DACH1: variants seen among roughly 807,000 people sequenced by gnomAD.
DACH1 encodes the protein dachshund homolog 1.
In DACH1, 12 loss-of-function variants were observed where a neutral mutation model predicts 54.2. The ratio of observed to expected loss-of-function variants is 0.22; its 90% CI spans 0.14 to 0.36. The LOEUF (loss-of-function observed/expected upper bound fraction) is 0.36, where lower values mean the gene tolerates loss of function less well. Among genes scored for constraint, DACH1 ranks in the 10% least tolerant of loss-of-function variants. DACH1 has a pLI of 1.00. For missense variants in DACH1, 805 were observed against 929.8 expected (o/e 0.87, Z 1.75); for synonymous variants, 386 against 366.2 (o/e 1.05, Z -0.62).
At chr13:71,627,683 C>T (rs1876758877) in intron 3 of DACH1, among the ~76,000 whole-genome samples, 1 of 152,080 alleles carries the variant, frequency 6.6e-6, no homozygotes, top group African/African-American at 2.4e-5. Flanking sequence ...TGCTTACCTA[C>T]CTATCTCATC....
At chr13:71,775,327 T>G (rs1488032259) in intron 1 of DACH1, among the ~76,000 whole-genome samples, 2 of 151,400 alleles carry the variant, frequency 1.3e-5, no homozygotes, top group African/African-American at 4.9e-5. Flanking sequence ...CACCTCAAAT[T>G]GACAAACTGA....
At chr13:71,664,744 A>G (rs547815581) in intron 2 of DACH1, among the ~76,000 whole-genome samples, 3 of 152,136 alleles carry the variant, frequency 2.0e-5, no homozygotes, top group South Asian at 4.1e-4. Flanking sequence ...GCATGGTAGG[A>G]TTATGAGTGA....
intron 6 of DACH1, among the ~76,000 whole-genome samples, chr13:71,548,363 G>A (rs1267661361): frequency 1.3e-5 from 2 of 152,030 alleles, no homozygotes; most frequent in Admixed American, 6.6e-5. Context: ...ATCATACAGA[G>A]TAATCTGATA....
chr13:71,564,481 A>T (rs2138394186), intron 4 of DACH1, among the ~76,000 whole-genome samples: 1 of 152,172 alleles, frequency 6.6e-6, no homozygotes, highest in African/African-American at 2.4e-5. Flanking sequence ...CTGAAAAAAA[A>T]AAAAAAGGTC....
chr13:71,838,913 G>A (rs2097358385), intron 1 of DACH1, among the ~76,000 whole-genome samples: 1 of 152,180 alleles, frequency 6.6e-6, no homozygotes. Context: ...GGTGAATTCT[G>A]TTAACAGAGC....
Position 71,464,830 on chromosome 13 carries a change from A to C in DACH1, c.2083+10311T>G, listed in dbSNP as rs142670723. The stretch of plus-strand genomic sequence containing the variant: ...TAAAGATATTCTCAAGACTATGTTT[A>C]GTATCAAGAGAAATTTCTGACACAA... On this transcript the variant is annotated intron_variant, in intron 10 of 10. Coordinates refer to ENST00000613252, the MANE Select transcript of DACH1 (RefSeq NM_080759.6). 1.7e-3 allele frequency: 651 copies of C among 394,446 alleles called. 13 individuals carry two copies. The East Asian group carries it at 0.035, about 21-fold the overall frequency. 24.4% of individuals were successfully genotyped at this position (394,446 alleles called of 1,614,324 possible).
chr13:71,851,753 A>G (rs1252180025), intron 1 of DACH1, among the ~76,000 whole-genome samples: 4 of 152,170 alleles, frequency 2.6e-5, no homozygotes, highest in African/African-American at 9.7e-5. Flanking sequence ...AACAACTGAC[A>G]TCATAATTTA....
chr13:71,835,755 T>A (rs1888758909), intron 1 of DACH1, among the ~76,000 whole-genome samples: 1 of 152,054 alleles, frequency 6.6e-6, no homozygotes. Flanking sequence ...TATGCCACTC[T>A]GAAGGAATGA....
At chr13:71,840,296 C>T (rs1888966126) in intron 1 of DACH1, among the ~76,000 whole-genome samples, 3 of 152,158 alleles carry the variant, frequency 2.0e-5, no homozygotes, top group African/African-American at 4.8e-5. Context: ...TGGTTTAAAA[C>T]GCCTTCAATT....
At chr13:71,579,932 T>C (rs1424697124) in intron 3 of DACH1, among the ~76,000 whole-genome samples, 1 of 152,148 alleles carries the variant, frequency 6.6e-6, no homozygotes, top group African/African-American at 2.4e-5. Flanking sequence ...GCAGACTGGG[T>C]AAATAGTTAC....
Position 71,451,221 on chromosome 13 carries a change from A to T in DACH1, c.2084-10529T>A, listed in dbSNP as rs187356947. Among the ~76,000 whole-genome samples, 365 of 152,172 alleles carry T rather than the reference A, an allele frequency of 2.4e-3. 2 individuals are homozygous for T. Among genetic ancestry groups the T allele is most frequent in the African/African-American group, 7.5e-3 (313 of 41,526 alleles). On this transcript the variant is annotated intron_variant, in intron 10 of 10. Transcript: ENST00000613252. Reference sequence around the variant, plus strand: ...GGATCCCATATATTGCATTGCTAAAACCTAAATGTTGTTCCTGTCCTATGC... The same window carrying T: ...GGATCCCATATATTGCATTGCTAAATCCTAAATGTTGTTCCTGTCCTATGC...
At chr13:71,643,778 T>A (rs1055964491) in intron 2 of DACH1, among the ~76,000 whole-genome samples, 3 of 151,866 alleles carry the variant, frequency 2.0e-5, no homozygotes, top group African/African-American at 7.3e-5. Context: ...AGGAAAAAAA[T>A]ATTAAATTAC....
chr13:71,535,388 A>T (rs2138316082), intron 6 of DACH1, among the ~76,000 whole-genome samples: 2 of 152,056 alleles, frequency 1.3e-5, no homozygotes, highest in East Asian at 3.9e-4. Context: ...TAAGATTTTC[A>T]TTTAAAATTT....
chr13:71,485,272 A>G (rs1170512719), intron 7 of DACH1, among the ~76,000 whole-genome samples: 2 of 151,650 alleles, frequency 1.3e-5, no homozygotes, highest in Non-Finnish European at 2.9e-5. Context: ...CCATATAGAA[A>G]AAATAAAAGC....
At chr13:71,820,798 A>C (rs2138181426) in intron 1 of DACH1, among the ~76,000 whole-genome samples, 1 of 152,322 alleles carries the variant, frequency 6.6e-6, no homozygotes, top group South Asian at 2.1e-4. Context: ...ATCTTCTAAA[A>C]GCTGTTCTAC....
chr13:71,679,542 C>A (rs1393126069), intron 2 of DACH1, among the ~76,000 whole-genome samples: 1 of 151,336 alleles, frequency 6.6e-6, no homozygotes, highest in Non-Finnish European at 1.5e-5. Flanking sequence ...AATTCAGAGT[C>A]AACACAAGTT....
At chr13:71,571,979 A>T (rs1885241668) in intron 4 of DACH1, among the ~76,000 whole-genome samples, 1 of 151,958 alleles carries the variant, frequency 6.6e-6, no homozygotes, top group Non-Finnish European at 1.5e-5. Flanking sequence ...TTGTGATCTG[A>T]ACAGGGCCGT....
intron 2 of DACH1, among the ~76,000 whole-genome samples, chr13:71,637,803 A>G (rs1330531515): frequency 6.6e-6 from 1 of 152,182 alleles, no homozygotes; most frequent in Non-Finnish European, 1.5e-5. Context: ...ATTTATTTCA[A>G]ATAAGTTAGT....
intron 6 of DACH1, among the ~76,000 whole-genome samples, chr13:71,543,197 C>A (rs1230137962): frequency 1.3e-5 from 2 of 152,080 alleles, no homozygotes; most frequent in African/African-American, 4.8e-5. Flanking sequence ...GACTTAGGTT[C>A]ACTACAAGAA....
Sources: allele counts gnomAD v4.1 joint callset (sites outside exome capture counted in the v4.1 genomes callset), GRCh38; gene constraint gnomAD v4.1.1; transcripts MANE v1.5; gene names NCBI Gene and HGNC (gene_info 2026-07-23, HGNC 2026-07-21).